Variants in M1AP observed in about 807,000 individuals in gnomAD.
M1AP encodes meiosis 1 arrest protein.
A neutral mutation model predicts 51.2 loss-of-function variants in M1AP; 39 were observed. That is an observed-to-expected ratio of 0.76 (90% CI 0.59 to 1.00). The LOEUF is 1.00. M1AP is among the 50% of genes least tolerant of loss of function. M1AP has a pLI of 0.00. For missense variants in M1AP, 545 were observed against 641.2 expected (o/e 0.85, Z 1.62); for synonymous variants, 251 against 249.2 (o/e 1.01, Z -0.07).
intron 3 of M1AP, among the ~76,000 whole-genome samples, chr2:74,610,004 A>C (rs1017057570): frequency 6.9e-6 from 1 of 145,886 alleles, no homozygotes; most frequent in African/African-American, 2.5e-5. Flanking sequence ...ACTTCACTCT[A>C]TTTTTTTTTT....
intron 9 of M1AP, 91 bp from the exon 10 acceptor site, chr2:74,559,800 C>T (rs1268030604): frequency 1.4e-6 from 1 of 704,876 alleles, no homozygotes; most frequent in East Asian, 2.7e-5. Context: ...AATTTCCCAT[C>T]CCTTGGGCAT....
chr2:74,580,442 G>C (rs906379061), intron 5 of M1AP, among the ~76,000 whole-genome samples: 11 of 152,164 alleles, frequency 7.2e-5, no homozygotes, highest in African/African-American at 2.7e-4. Context: ...AGAAAAGACA[G>C]ATTAAAATCA....
chr2:74,644,308 G>A (rs950553771), intron 1 of M1AP, among the ~76,000 whole-genome samples: 2 of 152,288 alleles, frequency 1.3e-5, no homozygotes, highest in East Asian at 1.9e-4. Context: ...GAGAGGCTGA[G>A]GCGGGTGGAT....
At chr2:74,563,885 AT>A (rs903615886) in intron 7 of M1AP, among the ~76,000 whole-genome samples, 6 of 151,966 alleles carry the variant, frequency 3.9e-5, no homozygotes, top group Non-Finnish European at 7.4e-5. Context: ...AAATGAGGCA[AT>A]TTTTTTTGTG....
chr2:74,592,705 ATAGT>A (rs1238900468), intron 4 of M1AP, among the ~76,000 whole-genome samples: 1 of 152,200 alleles, frequency 6.6e-6, no homozygotes, highest in Non-Finnish European at 1.5e-5. Flanking sequence ...ATTTTGAGTC[ATAGT>A]TAGATGACCT....
chr2:74,586,354 T>G (rs1679706851), intron 4 of M1AP, among the ~76,000 whole-genome samples: 1 of 152,238 alleles, frequency 6.6e-6, no homozygotes, highest in East Asian at 1.9e-4. Flanking sequence ...ATGCCTGAGT[T>G]GAACAGTGAC....
intron 2 of M1AP, among the ~76,000 whole-genome samples, chr2:74,622,745 A>T (rs1341412561): frequency 1.3e-5 from 2 of 151,962 alleles, no homozygotes; most frequent in Admixed American, 1.3e-4. Flanking sequence ...ATATATGAGT[A>T]AAATGAAATA....
chr2:74,640,977 T>C (rs529446427), intron 1 of M1AP, among the ~76,000 whole-genome samples: 5 of 152,364 alleles, frequency 3.3e-5, no homozygotes, highest in Admixed American at 6.5e-5. Context: ...TCCCACTATA[T>C]TGTAAGCTTC....
chr2:74,576,297 C>A (rs1439334144), intron 6 of M1AP, among the ~76,000 whole-genome samples, 159 bp downstream of exon 6: 2 of 152,210 alleles, frequency 1.3e-5, no homozygotes, highest in East Asian at 3.8e-4. Flanking sequence ...TGCTGAGTAG[C>A]CTGTCTTTGC....
chr2:74,594,428 C>A (rs958331174), intron 4 of M1AP, among the ~76,000 whole-genome samples: 1 of 152,002 alleles, frequency 6.6e-6, no homozygotes, highest in Non-Finnish European at 1.5e-5. Flanking sequence ...ACCAACCAAC[C>A]AAGCAAAAAG....
rs567475300 is a variant in M1AP, at chr2:74,569,062, A to G, written c.1074+6376T>C. Among the ~76,000 whole-genome samples the G allele has an allele frequency of 2.2e-4, 33 of 152,376 alleles. No individual in the cohort carries two copies. In the South Asian group the frequency reaches 5.8e-3, roughly 27 times the overall value. On this transcript the variant is annotated intron_variant, in intron 7 of 10. Coordinates refer to ENST00000421985, the MANE Select transcript of M1AP (RefSeq NM_001321739.2). ...AAAAAGAGACAATAGAAACAAATCC[A>G]TAAGTGATCCAGGTATTGGGGTTAG...
intron 7 of M1AP, among the ~76,000 whole-genome samples, chr2:74,571,129 A>AAG (rs1205811310): frequency 1.3e-5 from 2 of 152,178 alleles, no homozygotes; most frequent in Non-Finnish European, 2.9e-5. Flanking sequence ...GGAAAACCAG[A>AAG]AGAGAGAGAG....
intron 2 of M1AP, among the ~76,000 whole-genome samples, chr2:74,616,609 T>G (rs1243178920): frequency 6.6e-6 from 1 of 152,216 alleles, no homozygotes; most frequent in African/African-American, 2.4e-5. Context: ...ATCATACTTC[T>G]CTGCATCTAA....
intron 2 of M1AP, among the ~76,000 whole-genome samples, chr2:74,622,079 C>A (rs1682083503): frequency 6.7e-6 from 1 of 148,922 alleles, no homozygotes; most frequent in African/African-American, 2.5e-5. Context: ...GAGATCATGC[C>A]ACTGCACTCC....
intron 4 of M1AP, among the ~76,000 whole-genome samples, chr2:74,589,001 TAAAAC>T (rs1332399084): frequency 1.3e-5 from 2 of 152,118 alleles, no homozygotes; most frequent in East Asian, 3.9e-4. Context: ...AGCAAGCAAA[TAAAAC>T]AGAATACAAT....
chr2:74,559,592 CTCTTCAACCCCAACTG>C, intron 10 of M1AP, 90 bp downstream of exon 10: 1 of 694,066 alleles, frequency 1.4e-6, no homozygotes, highest in Non-Finnish European at 2.7e-6. Context: ...TCACTCTTCC[CTCTTCAACCCCAACTG>C]TCTTCAACCC....
intron 4 of M1AP, among the ~76,000 whole-genome samples, chr2:74,582,338 T>C (rs1679457822): frequency 6.6e-6 from 1 of 152,220 alleles, no homozygotes; most frequent in Non-Finnish European, 1.5e-5. Context: ...CAAAGATGTT[T>C]GGTATAGCAT....
rs797015126 is a variant in M1AP, at chr2:74,560,052, G to C, written c.1422+99C>G. The C allele has an allele frequency of 3.0e-6, 4 of 1,319,100 alleles. No individual in the cohort carries two copies. The African/African-American group carries it at 5.8e-5, about 19-fold the overall frequency. 81.7% of individuals were successfully genotyped at this position (1,319,100 alleles called of 1,614,324 possible). The stretch of plus-strand genomic sequence containing the variant: ...TGGAGGAAGGCTACTCCCTTGGATG[G>C]GGGCGGTGTTGGGATGGGGGAGGAG... On this transcript the variant is annotated intron_variant, in intron 9 of 10. Transcript: ENST00000421985.
intron 4 of M1AP, among the ~76,000 whole-genome samples, chr2:74,588,495 C>T (rs1415796434): frequency 1.3e-5 from 2 of 152,212 alleles, no homozygotes; most frequent in Non-Finnish European, 2.9e-5. Context: ...AGTGCAGCAT[C>T]ATCCAACCAT....
Sources: allele counts gnomAD v4.1 joint callset (sites outside exome capture counted in the v4.1 genomes callset), GRCh38; gene constraint gnomAD v4.1.1; transcripts MANE v1.5; gene names NCBI Gene and HGNC (gene_info 2026-07-23, HGNC 2026-07-21).